The following PECR variants were observed in gnomAD, a reference collection of about 807,000 sequenced individuals.
PECR encodes peroxisomal trans-2-enoyl-CoA reductase, also known as 2,4-dienoyl-CoA reductase-related protein.
A neutral mutation model predicts 35.3 loss-of-function variants in PECR; 30 were observed. The observed-to-expected ratio is 0.85, with a 90% CI of 0.64 to 1.15. The LOEUF (loss-of-function observed/expected upper bound fraction) is 1.15. PECR is among the 50% of genes most tolerant of loss of function. The probability of loss-of-function intolerance (pLI) is 0.00; values close to 1 mark genes in which losing one functional copy is unlikely to be tolerated. For synonymous variants in PECR, 148 were observed against 138.9 expected (o/e 1.07, Z -0.46); for missense variants, 392 against 370.8 (o/e 1.06, Z -0.47).
At chr2:216,051,349 T>C in intron 5 of PECR, 100 bp downstream of exon 5, 1 of 794,360 alleles carries the variant, frequency 1.3e-6, no homozygotes, top group Non-Finnish European at 2.3e-6. Context: ...GTCAATCTTT[T>C]ATGCTATACT....
chr2:216,031,447 G>A (rs142464940), intron 7 of PECR, among the ~76,000 whole-genome samples: 2,990 of 94,120 alleles, frequency 0.032, 128 homozygotes, highest in African/African-American at 0.11. Flanking sequence ...GAAAGAAAAA[G>A]AAAGAAAGAG....
intron 1 of PECR, among the ~76,000 whole-genome samples, chr2:216,076,615 C>T (rs556367246): frequency 3.3e-5 from 5 of 152,064 alleles, no homozygotes; most frequent in African/African-American, 1.2e-4. Context: ...GCCTGGCCAA[C>T]ATAGTAAAAC....
intron 1 of PECR, among the ~76,000 whole-genome samples, chr2:216,076,505 T>C (rs538582702): frequency 1.4e-4 from 22 of 152,352 alleles, no homozygotes; most frequent in African/African-American, 5.0e-4. Flanking sequence ...TCCATTTAAA[T>C]ATCTTGCTAT....
chr2:216,031,218 C>T (rs1694683959), intron 7 of PECR, among the ~76,000 whole-genome samples: 1 of 151,784 alleles, frequency 6.6e-6, no homozygotes, highest in African/African-American at 2.4e-5. Flanking sequence ...ACCAGCCTGG[C>T]CAACACGGTG....
intron 1 of PECR, among the ~76,000 whole-genome samples, chr2:216,080,331 C>G (rs556727508): frequency 2.0e-5 from 3 of 152,338 alleles, no homozygotes; most frequent in African/African-American, 7.2e-5. Flanking sequence ...CCGCCTCGGC[C>G]TCTCAAAGTG....
At position 216,043,037 on chromosome 2, in the gene PECR, G is replaced by GTATATATGTA. The variant is rs1443360205; in HGVS notation, c.826+866_826+867insTACATATATA. ...TATATACACATACGTATATATGTATGTGTATATATATATACACATACGTAT... is the reference window on the plus strand; with the variant it reads ...TATATACACATACGTATATATGTATGTATATATGTATGTATATATATATACACATACGTAT... On this transcript the variant is annotated intron_variant, in intron 7 of 7. Coordinates refer to ENST00000265322, the MANE Select transcript of PECR (RefSeq NM_018441.6). 4.9e-3 allele frequency among the ~76,000 whole-genome samples: 156 copies of GTATATATGTA among 32,158 alleles called. 11 individuals are homozygous for GTATATATGTA. Among genetic ancestry groups the GTATATATGTA allele is most frequent in the African/African-American group, 0.013 (140 of 10,650 alleles). The allele number at this position is 32,158 out of a possible 152,430, so 21.1% of individuals were successfully genotyped here.
chr2:216,075,260 C>T (rs1157766888), intron 1 of PECR, among the ~76,000 whole-genome samples: 1 of 152,062 alleles, frequency 6.6e-6, no homozygotes, highest in Admixed American at 6.6e-5. Context: ...GAGCAAGATC[C>T]TGTCTCTAAA....
At chr2:216,062,970 T>C (rs1057485073) in intron 3 of PECR, among the ~76,000 whole-genome samples, 5 of 152,210 alleles carry the variant, frequency 3.3e-5, no homozygotes, top group East Asian at 1.9e-4. Context: ...ATGATGTTCA[T>C]ACAACAATGA....
chr2:216,040,209 G>A (rs781443018), intron 7 of PECR, among the ~76,000 whole-genome samples: 1 of 152,142 alleles, frequency 6.6e-6, no homozygotes, highest in Non-Finnish European at 1.5e-5. Flanking sequence ...CTTTACTGAT[G>A]AGCCCATTTT....
chr2:216,065,469 A>T lies in PECR; in HGVS notation c.267T>A (p.Asn89Lys). The change falls in exon 3 of 8, where the codon AAT (asparagine) becomes AAA (lysine). Residue 89 changes from asparagine to lysine, a missense_variant. Physicochemically the swap from Asn to Lys is moderately conservative, Grantham distance 94. Transcript: ENST00000265322. ...CNIRNEEEVN[N>K]LVKSTLDTFG... ...AAGTATCTAAGGTAGATTTGACCAA[A>T]TTATTCACCTAAAGAAGAACAGTAG... 6.3e-7 allele frequency: 1 copy of T among 1,591,210 alleles called. No individual in the cohort carries two copies. The highest frequency in any genetic ancestry group is 1.1e-5 in the South Asian group (1 of 90,624).
In PECR at chr2:216,048,442, G is replaced by C. The variant is rs533045159; in HGVS notation, c.714+821C>G. ...GACTGATGCAAAGCTAGGTGTGGCG[G>C]CTCACACATGTAATCCCAGCACTTT... On this transcript the variant is annotated intron_variant, in intron 6 of 7. Transcript: ENST00000265322. Among the ~76,000 whole-genome samples the C allele has an allele frequency of 7.5e-4, 113 of 151,644 alleles. 1 individual carries two copies. The highest frequency in any genetic ancestry group is 2.6e-3 in the African/African-American group (106 of 41,358).
intron 3 of PECR, among the ~76,000 whole-genome samples, chr2:216,063,678 T>C (rs1695405486): frequency 1.3e-5 from 2 of 152,122 alleles, no homozygotes; most frequent in South Asian, 2.1e-4. Flanking sequence ...CCCAAATAAG[T>C]AAAAGCAAAA....
intron 7 of PECR, among the ~76,000 whole-genome samples, chr2:216,030,936 TCTCTCTCTCTCTCTCTCTCTCA>T (rs1388769726): frequency 2.5e-5 from 1 of 40,476 alleles, no homozygotes; most frequent in Non-Finnish European, 6.1e-5. Flanking sequence ...ATTCTCTCTC[TCTCTCTCTCTCTCTCTCTCTCA>T]CACACACACA....
intron 4 of PECR, among the ~76,000 whole-genome samples, chr2:216,057,223 T>C (rs1695246376): frequency 6.6e-6 from 1 of 152,116 alleles, no homozygotes; most frequent in East Asian, 1.9e-4. Flanking sequence ...GTACAGAAAA[T>C]GTTACTTACT....
Position 216,065,415 on chromosome 2 carries a change from A to G in PECR, c.321T>C (p.Asn107=), listed in dbSNP as rs1695444940. ...CAGGGGAAAGAAACTGGCCTCCTCC[A>G]TTGTTCACCAAGAAATTGATCTTAC... is the stretch of plus-strand genomic sequence containing the variant. ...TFGKINFLVN[N]GGGQFLSPAE... Residue 107 remains asparagine, a synonymous_variant, in exon 3 of 8, where the codon AAT becomes AAC. Transcript: ENST00000265322. 3 of 1,607,258 alleles carry G rather than the reference A, an allele frequency of 1.9e-6. No individual in the cohort carries two copies. Among genetic ancestry groups the G allele is most frequent in the South Asian group, 1.1e-5 (1 of 90,956 alleles).
intron 7 of PECR, among the ~76,000 whole-genome samples, chr2:216,040,627 G>C (rs1694870896): frequency 6.6e-6 from 1 of 152,204 alleles, no homozygotes; most frequent in Non-Finnish European, 1.5e-5. Flanking sequence ...CCAGCACTTT[G>C]GGAGGCCGAG....
chr2:216,037,328 G>A (rs183817147), downstream of PECR, among the ~76,000 whole-genome samples: 1 of 152,290 alleles, frequency 6.6e-6, no homozygotes, highest in African/African-American at 2.4e-5. Flanking sequence ...GTGCTACATA[G>A]GCAGGTTCTG....
chr2:216,048,948 T>C (rs532991653), intron 6 of PECR, among the ~76,000 whole-genome samples: 2 of 150,698 alleles, frequency 1.3e-5, no homozygotes, highest in African/African-American at 4.9e-5. Context: ...CATATGGCCA[T>C]AGTTGTCTAA....
chr2:216,061,054 G>A (rs995505989), intron 3 of PECR, among the ~76,000 whole-genome samples: 2 of 150,338 alleles, frequency 1.3e-5, no homozygotes, highest in East Asian at 1.9e-4. Context: ...CACTTTGAGA[G>A]GCAGAGGCGG....
Sources: gnomAD v4.1 joint callset for allele counts (sites outside exome capture counted in the v4.1 genomes callset) on GRCh38, gnomAD v4.1.1 for gene constraint, MANE v1.5 for transcripts, NCBI Gene and HGNC (gene_info 2026-07-23, HGNC 2026-07-21) for gene names.